The following ZNF83 variants were observed in gnomAD, a reference collection of about 807,000 sequenced individuals.
ZNF83 encodes zinc finger protein 816B.
For synonymous variants in ZNF83, 209 were observed against 213.0 expected, an observed-to-expected ratio of 0.98 and a Z score of 0.17; for missense variants, 552 against 629.9, an observed-to-expected ratio of 0.88 and a Z score of 1.32.
intron 1 of ZNF83, among the ~76,000 whole-genome samples, chr19:52,681,280 C>CAAAAGAAAAAAA (rs2061914092): frequency 1.3e-5 from 1 of 75,440 alleles, no homozygotes; most frequent in Non-Finnish European, 2.5e-5. Context: ...GAGACTTTCT[C>CAAAAGAAAAAAA]AAAAAAAAAA....
At chr19:52,632,562 G>A (rs2061007114) in intron 2 of ZNF83, among the ~76,000 whole-genome samples, 1 of 152,032 alleles carries the variant, frequency 6.6e-6, no homozygotes, top group African/African-American at 2.4e-5. Flanking sequence ...TACACTGCCA[G>A]TTTACACTGT....
chr19:52,671,263 T>A (rs1363857615), intron 1 of ZNF83, among the ~76,000 whole-genome samples: 1 of 152,178 alleles, frequency 6.6e-6, no homozygotes, highest in Non-Finnish European at 1.5e-5. Context: ...AATCAGAGCT[T>A]ACACCTCATT....
chr19:52,659,369 T>C lies in ZNF83; in HGVS notation c.-201+1393A>G, dbSNP rs915771141. ...CGAGGTTACCACCTTCTGGGGGAAG[T>C]TGAGTCAAGCTAAGGTTTCATCACG... On this transcript the variant is annotated intron_variant, in intron 2 of 5. Transcript: ENST00000594682. Among the ~76,000 whole-genome samples the C allele has an allele frequency of 3.3e-5, 5 of 152,138 alleles. No homozygotes were observed. The East Asian group carries it at 9.7e-4, about 29-fold the overall frequency.
chr19:52,647,696 A>G (rs894588463), intron 3 of ZNF83, among the ~76,000 whole-genome samples: 1 of 142,044 alleles, frequency 7.0e-6, no homozygotes, highest in African/African-American at 2.6e-5. Flanking sequence ...CTCATTCTGT[A>G]CCCCTCTCTT....
chr19:52,613,970 G>A lies in ZNF83; in HGVS notation c.595C>T (p.His199Tyr). The change falls in exon 3 of 3, where the codon CAT (histidine) becomes TAT (tyrosine). Residue 199 changes from histidine (H) to tyrosine (Y), a missense_variant. Physicochemically the swap from His to Tyr is moderately conservative, Grantham distance 83. Coordinates refer to ENST00000301096, the Ensembl canonical transcript of ZNF83. The stretch of plus-strand genomic sequence containing the variant: ...CATTTATAAGGTTTCTCTCCGGTAT[G>A]AATTCTTTGATGTTGTGCAAGGTGT... 1 of 1,613,532 alleles carries A rather than the reference G, an allele frequency of 6.2e-7. No individual in the cohort carries two copies. The highest frequency in any genetic ancestry group is 8.5e-7 in the Non-Finnish European group (1 of 1,179,630).
intron 2 of ZNF83, among the ~76,000 whole-genome samples, chr19:52,626,648 C>A (rs934314812): frequency 3.3e-5 from 5 of 152,142 alleles, no homozygotes; most frequent in African/African-American, 1.2e-4. Flanking sequence ...TTCTATATGA[C>A]AAATGCTACT....
At chr19:52,666,272 AAG>A (rs574556973) in intron 1 of ZNF83, among the ~76,000 whole-genome samples, 11 of 151,814 alleles carry the variant, frequency 7.2e-5, no homozygotes, top group South Asian at 4.2e-4. Context: ...AGAGTCAGAA[AAG>A]AGAGAGAGAG....
At chr19:52,637,131 C>T (rs2061175650) in intron 1 of ZNF83, 1 of 152,248 alleles carries the variant, frequency 6.6e-6, no homozygotes, top group African/African-American at 2.4e-5. Flanking sequence ...TTCTCTTCCA[C>T]CTCTTCTGCT....
intron 1 of ZNF83, among the ~76,000 whole-genome samples, chr19:52,674,622 T>C (rs1291112571): frequency 6.6e-6 from 1 of 152,144 alleles, no homozygotes; most frequent in African/African-American, 2.4e-5. Flanking sequence ...TTCCATGCAA[T>C]AACAGTAAAA....
exon 3 of ZNF83, chr19:52,612,685 C>G (rs575518895): frequency 1.4e-5 from 4 of 280,398 alleles, no homozygotes; most frequent in South Asian, 1.8e-4. Flanking sequence ...TTCCCACTCT[C>G]AGTGTTTTTG....
At chr19:52,678,010 G>A (rs893359740) in intron 1 of ZNF83, among the ~76,000 whole-genome samples, 1 of 148,610 alleles carries the variant, frequency 6.7e-6, no homozygotes, top group Non-Finnish European at 1.5e-5. Context: ...ACTACAACCT[G>A]GGTGACAGAG....
At position 52,634,614 on chromosome 19, in the gene ZNF83, T is replaced by C. The variant is rs549178782; in HGVS notation, c.-234+452A>G. Among the ~76,000 whole-genome samples the C allele has an allele frequency of 3.9e-5, 6 of 152,314 alleles. No homozygotes were observed. In the East Asian group the frequency reaches 1.2e-3, roughly 29 times the overall value. Reference sequence around the variant, plus strand: ...TAACTCACTAAATTACCTAAAAATATAGTATAAAATCAGGGAGAAAAGATT... The same window carrying C: ...TAACTCACTAAATTACCTAAAAATACAGTATAAAATCAGGGAGAAAAGATT... On this transcript the variant is annotated intron_variant, in intron 2 of 2. Coordinates refer to ENST00000301096, the Ensembl canonical transcript of ZNF83.
chr19:52,646,208 G>A (rs1248916188), intron 3 of ZNF83, among the ~76,000 whole-genome samples: 3 of 152,106 alleles, frequency 2.0e-5, no homozygotes, highest in Non-Finnish European at 2.9e-5. Context: ...CCAAAGTGCT[G>A]GGATTACAGG....
intron 2 of ZNF83, among the ~76,000 whole-genome samples, chr19:52,632,942 A>T (rs974249880): frequency 1.3e-5 from 2 of 152,294 alleles, no homozygotes; most frequent in Non-Finnish European, 2.9e-5. Context: ...AGCCCAGAGA[A>T]ACATCGTCCA....
exon 3 of ZNF83, chr19:52,614,056 A>G (rs1364229248): frequency 1.2e-6 from 2 of 1,613,038 alleles, no homozygotes; most frequent in African/African-American, 2.7e-5. Context: ...TCCAGTATGA[A>G]TCCTGCGATG....
intron 1 of ZNF83, among the ~76,000 whole-genome samples, chr19:52,684,928 C>G (rs1189642828): frequency 2.0e-5 from 3 of 152,160 alleles, no homozygotes; most frequent in Non-Finnish European, 4.4e-5. Flanking sequence ...TCCTGGGGAA[C>G]ACGGGAAGCC....
intron 2 of ZNF83, among the ~76,000 whole-genome samples, chr19:52,629,948 A>G (rs2060889999): frequency 6.6e-6 from 1 of 152,188 alleles, no homozygotes; most frequent in Admixed American, 6.5e-5. Flanking sequence ...CCACTGTGAG[A>G]CAAACCCCAG....
exon 3 of ZNF83, chr19:52,613,405 T>C (rs751307522): frequency 5.0e-6 from 8 of 1,613,636 alleles, no homozygotes; most frequent in Non-Finnish European, 6.8e-6. Context: ...TTGTACAAGA[T>C]GTGAATTTTG....
At chr19:52,683,902 A>G (rs1358316609) in intron 1 of ZNF83, among the ~76,000 whole-genome samples, 1 of 152,070 alleles carries the variant, frequency 6.6e-6, no homozygotes, top group Non-Finnish European at 1.5e-5. Flanking sequence ...TGCATCCTTC[A>G]AGTAAGGGAG....
Sources: allele counts gnomAD v4.1 joint callset (sites outside exome capture counted in the v4.1 genomes callset), GRCh38; gene constraint gnomAD v4.1.1; transcripts MANE v1.5; gene names NCBI Gene and HGNC (gene_info 2026-07-23, HGNC 2026-07-21).